HS3ST5: variants seen among roughly 807,000 people sequenced by gnomAD.
The protein encoded by HS3ST5 is heparan sulfate-glucosamine 3-sulfotransferase 5, also known as heparan sulfate glucosamine 3-O-sulfotransferase 5.
Under a neutral mutation model 25.4 loss-of-function variants are expected in HS3ST5, and 10 were observed. The observed-to-expected ratio is 0.39, with a 90% CI of 0.24 to 0.67. HS3ST5 has a LOEUF of 0.67. Ranked by LOEUF, HS3ST5 falls within the 30% of genes least tolerant of loss-of-function variation. HS3ST5 has a pLI of 0.44. For synonymous variants in HS3ST5, 170 were observed against 162.4 expected (o/e 1.05, Z -0.36); for missense variants, 324 against 420.7 (o/e 0.77, Z 2.01).
intron 1 of HS3ST5, among the ~76,000 whole-genome samples, chr6:114,341,222 GGAGAGAGAGAGAGA>G (rs4034605): frequency 1.5e-4 from 7 of 46,634 alleles, no homozygotes; most frequent in South Asian, 1.8e-3. Flanking sequence ...GGAGAGAGGG[GGAGAGAGAGAGAGA>G]GAGAGAGAGA....
intron 2 of HS3ST5, among the ~76,000 whole-genome samples, chr6:114,201,685 G>C (rs1309664941): frequency 6.6e-6 from 1 of 152,116 alleles, no homozygotes; most frequent in African/African-American, 2.4e-5. Context: ...TGCTAATAAA[G>C]ACATACCTGA....
At chr6:114,191,029 G>C (rs941573608) in intron 2 of HS3ST5, among the ~76,000 whole-genome samples, 3 of 152,150 alleles carry the variant, frequency 2.0e-5, no homozygotes, top group Admixed American at 2.0e-4. Context: ...CTGCAGCTGT[G>C]GCCAAAGAGA....
At chr6:114,296,004 T>C (rs1028608171) in intron 1 of HS3ST5, among the ~76,000 whole-genome samples, 1 of 152,218 alleles carries the variant, frequency 6.6e-6, no homozygotes, top group Non-Finnish European at 1.5e-5. Flanking sequence ...CAGAATGTTC[T>C]AAAATAGGCA....
intron 1 of HS3ST5, among the ~76,000 whole-genome samples, chr6:114,234,303 A>C (rs1192380831): frequency 6.7e-6 from 1 of 149,154 alleles, no homozygotes; most frequent in East Asian, 1.9e-4. Flanking sequence ...GATATTAGTA[A>C]AATTAATATA....
intron 3 of HS3ST5, among the ~76,000 whole-genome samples, chr6:114,107,508 C>A (rs1776052349): frequency 6.6e-6 from 1 of 152,152 alleles, no homozygotes; most frequent in South Asian, 2.1e-4. Flanking sequence ...TTCTACTCAA[C>A]ATTGTTTTGA....
At chr6:114,175,038 T>C (rs1370455130) in intron 2 of HS3ST5, among the ~76,000 whole-genome samples, 1 of 152,114 alleles carries the variant, frequency 6.6e-6, no homozygotes, top group African/African-American at 2.4e-5. Flanking sequence ...CATTGAAGGA[T>C]GTTAAGCTCT....
chr6:114,287,977 T>C (rs1582789770), intron 1 of HS3ST5, among the ~76,000 whole-genome samples: 2 of 152,094 alleles, frequency 1.3e-5, no homozygotes, highest in Middle Eastern at 3.4e-3. Context: ...AAACTAGCAA[T>C]GTGTGAAGAT....
At chr6:114,298,414 T>A (rs1318990349) in intron 1 of HS3ST5, among the ~76,000 whole-genome samples, 1 of 152,238 alleles carries the variant, frequency 6.6e-6, no homozygotes, top group Non-Finnish European at 1.5e-5. Flanking sequence ...GGGCACTTAT[T>A]ATGTGTCAGA....
intron 1 of HS3ST5, among the ~76,000 whole-genome samples, chr6:114,300,056 G>T (rs2114805407): frequency 6.6e-6 from 1 of 151,820 alleles, no homozygotes; most frequent in South Asian, 2.1e-4. Flanking sequence ...AAAAGACTAA[G>T]GGTTAAAATG....
At chr6:114,221,216 A>AT (rs1169990562) in intron 2 of HS3ST5, among the ~76,000 whole-genome samples, 1 of 152,000 alleles carries the variant, frequency 6.6e-6, no homozygotes, top group Non-Finnish European at 1.5e-5. Context: ...GTAGGTAAGA[A>AT]TTTACATGGT....
At chr6:114,187,451 G>A (rs1394894813) in intron 2 of HS3ST5, among the ~76,000 whole-genome samples, 1 of 152,170 alleles carries the variant, frequency 6.6e-6, no homozygotes, top group Admixed American at 6.5e-5. Context: ...CTGCAGTTAT[G>A]GTGGAAATTA....
At chr6:114,086,926 C>T (rs528332580) in intron 3 of HS3ST5, among the ~76,000 whole-genome samples, 83 of 152,266 alleles carry the variant, frequency 5.5e-4, no homozygotes, top group Non-Finnish European at 1.1e-3. Context: ...GGTGAAAAGG[C>T]AGATCATTAT....
chr6:114,090,980 C>G (rs757844028), intron 3 of HS3ST5, among the ~76,000 whole-genome samples: 27 of 152,148 alleles, frequency 1.8e-4, no homozygotes, highest in Admixed American at 5.2e-4. Flanking sequence ...AATGCTAATA[C>G]TGGGTAATTT....
chr6:114,304,266 A>G (rs1054968245), intron 1 of HS3ST5, among the ~76,000 whole-genome samples: 1 of 152,094 alleles, frequency 6.6e-6, no homozygotes, highest in Non-Finnish European at 1.5e-5. Context: ...TGTTTTCTTA[A>G]ATATCTAATG....
At chr6:114,211,650 A>G (rs1272888827) in intron 2 of HS3ST5, among the ~76,000 whole-genome samples, 1 of 152,214 alleles carries the variant, frequency 6.6e-6, no homozygotes, top group Admixed American at 6.5e-5. Context: ...AACTTTATAA[A>G]TATCAGGGAA....
At chr6:114,202,637 T>C (rs1392613534) in intron 2 of HS3ST5, among the ~76,000 whole-genome samples, 1 of 152,150 alleles carries the variant, frequency 6.6e-6, no homozygotes, top group African/African-American at 2.4e-5. Flanking sequence ...CAAAATCCTC[T>C]CTTAGGAAAT....
At chr6:114,224,000 C>A (rs780870065) in intron 2 of HS3ST5, among the ~76,000 whole-genome samples, 1 of 151,610 alleles carries the variant, frequency 6.6e-6, no homozygotes, top group Non-Finnish European at 1.5e-5. Context: ...AGATCATATA[C>A]CTTCATTATG....
chr6:114,196,721 G>C (rs1780778027), intron 2 of HS3ST5, among the ~76,000 whole-genome samples: 1 of 151,866 alleles, frequency 6.6e-6, no homozygotes, highest in Non-Finnish European at 1.5e-5. Context: ...AGAGTCACTT[G>C]ATATGGAATT....
intron 3 of HS3ST5, among the ~76,000 whole-genome samples, chr6:114,068,547 G>A (rs1250648836): frequency 1.3e-5 from 2 of 152,110 alleles, no homozygotes; most frequent in Non-Finnish European, 2.9e-5. Flanking sequence ...AGGAATATAA[G>A]ACAAAGAGAA....
Sources: allele counts gnomAD v4.1 joint callset (sites outside exome capture counted in the v4.1 genomes callset), GRCh38; gene constraint gnomAD v4.1.1; transcripts MANE v1.5; gene names NCBI Gene and HGNC (gene_info 2026-07-23, HGNC 2026-07-21).